NDRG2: variants seen among roughly 807,000 people sequenced by gnomAD.
NDRG2 encodes NDRG family member 2, also known as protein NDRG2.
Under a neutral mutation model 58.2 loss-of-function variants are expected in NDRG2, and 34 were observed. The observed-to-expected ratio is 0.58, with a 90% CI of 0.44 to 0.78. The LOEUF is 0.78. Ranked by LOEUF, NDRG2 falls within the 30% of genes least tolerant of loss-of-function variation. NDRG2 has a pLI of 0.00. For synonymous variants in NDRG2, 187 were observed against 175.9 expected (o/e 1.06, Z -0.50); for missense variants, 434 against 471.2 (o/e 0.92, Z 0.73).
At chr14:21,023,859 C>T (rs913913487) in intron 1 of NDRG2, 171 bp downstream of exon 1, 38 of 603,612 alleles carry the variant, frequency 6.3e-5, no homozygotes, top group Non-Finnish European at 7.5e-5. Context: ...GTGGGGAAAA[C>T]AACATAAAAG....
chr14:21,070,481 C>T lies in NDRG2; in HGVS notation c.24+347G>A. ...GGCCCCCAAGTCCTCAGCCTGGTGC[C>T]TCCCGAGCCTGCCTCGGACTGTTCG... On this transcript the variant is annotated intron_variant, in intron 1 of 14. Coordinates refer to the NDRG2 transcript ENST00000403829. This position sits in a 1 kb window ranked among gnomAD's most constrained non-coding sequence, Gnocchi z 4.7. The T allele has an allele frequency of 8.1e-6, 11 of 1,350,864 alleles. No individual in the cohort carries two copies. Among genetic ancestry groups the T allele is most frequent in the Non-Finnish European group, 1.0e-5 (11 of 1,053,032 alleles). 83.7% of individuals were successfully genotyped at this position (1,350,864 alleles called of 1,614,324 possible).
intron 1 of NDRG2, chr14:21,035,698 C>T: frequency 2.2e-6 from 1 of 446,774 alleles, no homozygotes; most frequent in Non-Finnish European, 4.5e-6. Flanking sequence ...TCATGTAGAG[C>T]CCCCTAAACT....
At chr14:21,055,200 T>C (rs1357521852) in intron 1 of NDRG2, among the ~76,000 whole-genome samples, 1 of 152,270 alleles carries the variant, frequency 6.6e-6, no homozygotes, top group Non-Finnish European at 1.5e-5. Context: ...CACTGTTCCT[T>C]CTGCATTCAA....
intron 1 of NDRG2, among the ~76,000 whole-genome samples, chr14:21,053,229 T>A (rs1885542253): frequency 6.6e-6 from 1 of 152,192 alleles, no homozygotes; most frequent in Admixed American, 6.5e-5. Context: ...ACACCTGTAA[T>A]ATCAGTACTT....
At chr14:21,041,496 C>T (rs1222984115) in intron 1 of NDRG2, among the ~76,000 whole-genome samples, 1 of 152,056 alleles carries the variant, frequency 6.6e-6, no homozygotes, top group Admixed American at 6.5e-5. Context: ...TGCTTCTCTG[C>T]CTTGGTGTCT....
At chr14:21,048,238 T>C (rs1885293655) in intron 1 of NDRG2, 1 of 152,044 alleles carries the variant, frequency 6.6e-6, no homozygotes, top group African/African-American at 2.4e-5. Flanking sequence ...GAAGAGCAGT[T>C]ATAGCTCTTA....
chr14:21,056,471 T>C (rs1223076371), intron 1 of NDRG2, among the ~76,000 whole-genome samples: 1 of 152,240 alleles, frequency 6.6e-6, no homozygotes, highest in Non-Finnish European at 1.5e-5. Flanking sequence ...ATCCAGATAT[T>C]GTTTTCAGCT....
In NDRG2 at chr14:21,024,989, C is replaced by T; in HGVS notation, c.-966G>A. On this transcript the variant is annotated 5_prime_UTR_variant, in exon 1 of 16. Coordinates refer to ENST00000556147, the MANE Select transcript of NDRG2 (RefSeq NM_001320329.2). ...CACCGCCCGCCGGCCCGGCTGGCGC[C>T]TTCCAGGCCCTACGGCCCCTCGCCT... 2 of 985,694 alleles carry T rather than the reference C, an allele frequency of 2.0e-6. No individual in the cohort carries two copies. The highest frequency in any genetic ancestry group is 2.4e-6 in the Non-Finnish European group (2 of 830,156). 61.1% of individuals were successfully genotyped at this position (985,694 alleles called of 1,614,324 possible).
chr14:21,018,796 C>T lies in NDRG2; in HGVS notation c.780G>A (p.Val260=). ...CTTCATGAGGTGCTTGGTCTCCTAC[C>T]ACCAGCATCACAGGACACCTAAAGA... is the stretch of plus-strand genomic sequence containing the variant. The part of the protein sequence containing the change: ...DITLRCPVML[V]VGDQAPHEDA... Residue 260 remains valine (V), a synonymous_variant, in exon 12 of 16, where the codon GTG becomes GTA. Transcript: ENST00000556147. 6.2e-7 allele frequency: 1 copy of T among 1,614,198 alleles called. No homozygotes were observed. The highest frequency in any genetic ancestry group is 8.5e-7 in the Non-Finnish European group (1 of 1,180,034).
At chr14:21,025,513 A>G, upstream of NDRG2, 1 of 985,416 alleles carries the variant, frequency 1.0e-6, no homozygotes, top group South Asian at 4.7e-5. The surrounding 1 kb of genome is among the most constrained non-coding windows in gnomAD (Gnocchi z 5.1). Context: ...CCCCGCCCGA[A>G]CACAGAGAAC....
rs1045989243 is a variant in NDRG2 at position 21,070,618 on chromosome 14, C to T, written c.24+210G>A. Among the ~76,000 whole-genome samples, 4 of 152,062 alleles carry T rather than the reference C, an allele frequency of 2.6e-5. No homozygotes were observed. Among genetic ancestry groups the T allele is most frequent in the African/African-American group, 9.7e-5 (4 of 41,396 alleles). On this transcript the variant is annotated intron_variant, in intron 1 of 14. Coordinates refer to the NDRG2 transcript ENST00000403829. This position sits in a 1 kb window ranked among gnomAD's most constrained non-coding sequence, Gnocchi z 4.7. Reference sequence around the variant, plus strand: ...TGCCCTCACCCTTTCTTCCTCCTCTCCTCCGCCTCCTCCCCCATCCTCCCT... The same window carrying T: ...TGCCCTCACCCTTTCTTCCTCCTCTTCTCCGCCTCCTCCCCCATCCTCCCT...
chr14:21,044,258 C>G (rs1885044516), intron 1 of NDRG2: 1 of 161,912 alleles, frequency 6.2e-6, no homozygotes, highest in Non-Finnish European at 1.5e-5. Context: ...GGTGCTCTGG[C>G]ATTTTATTCC....
rs1885809798 is a variant in NDRG2 at position 21,058,925 on chromosome 14, CCT to C, written c.24+11901_24+11902del. Among the ~76,000 whole-genome samples, 20 of 94,312 alleles carry C rather than the reference CCT, an allele frequency of 2.1e-4. No individual in the cohort carries two copies. The Admixed American group carries it at 2.3e-3, about 11-fold the overall frequency. 61.9% of individuals were successfully genotyped at this position (94,312 alleles called of 152,430 possible). A position where few individuals can be genotyped will look rare whatever the true frequency, so the allele number is the denominator to read the frequency against. Reference sequence around the variant, plus strand: ...TCCAATTCCAAGGCCCTGAAAAGGCCCTGAAACACTTACTTCTGTGAGGCATC... The same window carrying C: ...TCCAATTCCAAGGCCCTGAAAAGGCCGAAACACTTACTTCTGTGAGGCATC... On this transcript the variant is annotated intron_variant, in intron 1 of 14. Coordinates refer to the NDRG2 transcript ENST00000403829.
chr14:21,066,665 C>T (rs1886286078), intron 1 of NDRG2, among the ~76,000 whole-genome samples: 1 of 152,168 alleles, frequency 6.6e-6, no homozygotes, highest in Admixed American at 6.5e-5. Flanking sequence ...ATTACTCTGG[C>T]TATGGTGCAG....
chr14:21,025,147 C>T (rs1328615362), upstream of NDRG2: 5 of 968,706 alleles, frequency 5.2e-6, no homozygotes, highest in Non-Finnish European at 6.1e-6. This position sits in a 1 kb window ranked among gnomAD's most constrained non-coding sequence, Gnocchi z 5.1. Context: ...GCTAGGCTCC[C>T]CGCAGACCCG....
At chr14:21,055,080 T>C (rs1885615753) in intron 1 of NDRG2, among the ~76,000 whole-genome samples, 1 of 152,236 alleles carries the variant, frequency 6.6e-6, no homozygotes, top group African/African-American at 2.4e-5. Flanking sequence ...CTACTTTGAA[T>C]ATGTAAGATA....
chr14:21,070,124 A>C lies in NDRG2; in HGVS notation c.24+704T>G. ...CGGATAGGCTGGGGACGCCCGGGGAACGGCAGAGATCTCGGCGCGGGAGAC... is the reference window on the plus strand; with the variant it reads ...CGGATAGGCTGGGGACGCCCGGGGACCGGCAGAGATCTCGGCGCGGGAGAC... On this transcript the variant is annotated intron_variant, in intron 1 of 14. Coordinates refer to the NDRG2 transcript ENST00000403829. This position sits in a 1 kb window ranked among gnomAD's most constrained non-coding sequence, Gnocchi z 4.7. 2.5e-5 allele frequency: 5 copies of C among 196,322 alleles called. No individual in the cohort carries two copies. Among genetic ancestry groups the C allele is most frequent in the Non-Finnish European group, 3.0e-5 (3 of 99,494 alleles). 12.2% of individuals were successfully genotyped at this position (196,322 alleles called of 1,614,324 possible).
chr14:21,041,877 C>T (rs1884913085), intron 1 of NDRG2, among the ~76,000 whole-genome samples: 1 of 152,258 alleles, frequency 6.6e-6, no homozygotes, highest in East Asian at 1.9e-4. Context: ...CCACTTCCCT[C>T]GTGTCTGTTC....
upstream of NDRG2, among the ~76,000 whole-genome samples, chr14:21,026,719 C>G (rs2139058490): frequency 6.6e-6 from 1 of 152,214 alleles, no homozygotes; most frequent in East Asian, 1.9e-4. Flanking sequence ...GAGCACCCAA[C>G]TTTTCTTCTG....
Sources: gnomAD v4.1 joint callset for allele counts (sites outside exome capture counted in the v4.1 genomes callset) on GRCh38, gnomAD v4.1.1 for gene constraint, Gnocchi (gnomAD v3.1) non-coding constraint, MANE v1.5 for transcripts, NCBI Gene and HGNC (gene_info 2026-07-23, HGNC 2026-07-21) for gene names.